The following USP34 variants were observed in gnomAD, a reference collection of about 807,000 sequenced individuals.
The protein encoded by USP34 is ubiquitin specific peptidase 34, also known as ubiquitin carboxyl-terminal hydrolase 34.
Under a neutral mutation model 460.3 loss-of-function variants are expected in USP34, and 70 were observed. The observed-to-expected ratio is 0.15, with a 90% CI of 0.13 to 0.19. The LOEUF (loss-of-function observed/expected upper bound fraction) is 0.19. Ranked by LOEUF, USP34 falls within the 10% of genes least tolerant of loss-of-function variation. The pLI, the probability that USP34 is intolerant of heterozygous loss-of-function variation, is 1.00. For synonymous variants in USP34, 1,647 were observed against 1,405.3 expected (o/e 1.17, Z -3.85); for missense variants, 3,985 against 4,236.2 (o/e 0.94, Z 1.65).
chr2:61,399,300 G>A (rs1693637589), intron 3 of USP34, among the ~76,000 whole-genome samples: 1 of 148,984 alleles, frequency 6.7e-6, no homozygotes, highest in Non-Finnish European at 1.5e-5. Context: ...CTGTTATCAT[G>A]CCACCGCACT....
chr2:61,252,796 G>A (rs1688622084), intron 48 of USP34, among the ~76,000 whole-genome samples: 1 of 152,206 alleles, frequency 6.6e-6, no homozygotes, highest in Admixed American at 6.5e-5. Flanking sequence ...GGCATGGGGT[G>A]AAACCATGCA....
chr2:61,434,203 C>T (rs549940149), intron 1 of USP34, among the ~76,000 whole-genome samples: 1 of 152,212 alleles, frequency 6.6e-6, no homozygotes, highest in Non-Finnish European at 1.5e-5. Context: ...CTTCTGGCCT[C>T]CCGAACAGCC....
At chr2:61,403,035 T>C (rs947104164) in intron 3 of USP34, among the ~76,000 whole-genome samples, 2 of 152,056 alleles carry the variant, frequency 1.3e-5, no homozygotes, top group East Asian at 1.9e-4. Context: ...GAAACAACTA[T>C]TACGAAAAGA....
chr2:61,431,862 T>C (rs1217544695), intron 1 of USP34, among the ~76,000 whole-genome samples: 1 of 151,676 alleles, frequency 6.6e-6, no homozygotes, highest in Non-Finnish European at 1.5e-5. Flanking sequence ...CTCAAAAAAA[T>C]AAATAAATAA....
intron 3 of USP34, among the ~76,000 whole-genome samples, chr2:61,396,890 A>G (rs1161908951): frequency 6.6e-6 from 1 of 152,208 alleles, no homozygotes; most frequent in Non-Finnish European, 1.5e-5. Context: ...CAACTCTGTA[A>G]ATCTACTGAA....
At chr2:61,470,210 G>C (rs962339652) in intron 1 of USP34, among the ~76,000 whole-genome samples, 4 of 152,166 alleles carry the variant, frequency 2.6e-5, no homozygotes, top group African/African-American at 9.7e-5. Flanking sequence ...AAATTAGCAG[G>C]TAAGAGAGGC....
At chr2:61,291,935 G>A (rs1223750120) in intron 33 of USP34, among the ~76,000 whole-genome samples, 2 of 152,112 alleles carry the variant, frequency 1.3e-5, no homozygotes, top group African/African-American at 4.8e-5. Flanking sequence ...CTCGAAAATA[G>A]GCTAAGTGAA....
intron 20 of USP34, among the ~76,000 whole-genome samples, chr2:61,328,492 T>C: frequency 6.6e-6 from 1 of 151,556 alleles, no homozygotes; most frequent in South Asian, 2.1e-4. Context: ...GAACAAAGAG[T>C]AGCAAATGTA....
chr2:61,256,129 G>C (rs1000641472), intron 48 of USP34, among the ~76,000 whole-genome samples: 2 of 152,056 alleles, frequency 1.3e-5, no homozygotes, highest in African/African-American at 4.8e-5. Context: ...TGTACTTATC[G>C]TCCATGTATC....
chr2:61,375,724 G>A lies in USP34; in HGVS notation c.1076+2639C>T, dbSNP rs56199002. 6.9e-3 allele frequency among the ~76,000 whole-genome samples: 946 copies of A among 137,824 alleles called. 6 individuals are homozygous for A. Among genetic ancestry groups the A allele is most frequent in the Admixed American group, 0.013 (151 of 12,034 alleles). 90.4% of individuals were successfully genotyped at this position (137,824 alleles called of 152,430 possible). A position where few individuals can be genotyped will look rare whatever the true frequency, so the allele number is the denominator to read the frequency against. ...GCGGAGCTTGCAGTGAGCCAAGATC[G>A]CGCCACTGCACTCCAGCCTGGGTGA... On this transcript the variant is annotated intron_variant, in intron 8 of 79. Transcript: ENST00000398571.
chr2:61,366,816 C>G (rs978844949), intron 10 of USP34, among the ~76,000 whole-genome samples: 1 of 152,016 alleles, frequency 6.6e-6, no homozygotes, highest in Non-Finnish European at 1.5e-5. Context: ...GGGAGTGCAA[C>G]GCAGGAGGAT....
chr2:61,333,801 T>A (rs1691340349), intron 19 of USP34, 81 bp downstream of exon 19: 1 of 964,230 alleles, frequency 1.0e-6, no homozygotes, highest in East Asian at 3.0e-5. Flanking sequence ...AGTAAAAGCT[T>A]GTAGGTTAGT....
chr2:61,434,068 C>G (rs1457486504), intron 1 of USP34, among the ~76,000 whole-genome samples: 2 of 152,194 alleles, frequency 1.3e-5, no homozygotes, highest in African/African-American at 4.8e-5. Flanking sequence ...TAAGCTCTCT[C>G]CAAAGTAGTG....
At chr2:61,259,017 TG>T (rs1688798274) in intron 44 of USP34, among the ~76,000 whole-genome samples, 1 of 152,118 alleles carries the variant, frequency 6.6e-6, no homozygotes, top group African/African-American at 2.4e-5. Context: ...CCCAACACTT[TG>T]GGAGGCTGAG....
intron 1 of USP34, among the ~76,000 whole-genome samples, chr2:61,421,034 G>A (rs573784157): frequency 1.1e-4 from 16 of 151,998 alleles, no homozygotes; most frequent in Non-Finnish European, 2.1e-4. Context: ...GGGTGGGGGG[G>A]GCAGTGAGAC....
intron 5 of USP34, among the ~76,000 whole-genome samples, chr2:61,385,797 C>T (rs1693124058): frequency 6.6e-6 from 1 of 150,892 alleles, no homozygotes; most frequent in Non-Finnish European, 1.5e-5. Flanking sequence ...AGTTCAAGAC[C>T]AGCTTGGCCA....
Position 61,293,777 on chromosome 2 carries a change from G to A in USP34, c.4462-227C>T, listed in dbSNP as rs562853311. Among the ~76,000 whole-genome samples the A allele has an allele frequency of 5.3e-5, 8 of 152,274 alleles. No individual in the cohort carries two copies. In the South Asian group the frequency reaches 1.4e-3, roughly 28 times the overall value. On this transcript the variant is annotated intron_variant, in intron 32 of 79. Coordinates refer to ENST00000398571, the MANE Select transcript of USP34 (RefSeq NM_014709.4). ...TGCCTGTAATCCTAGAACTTTGGGA[G>A]GCCAAAGCCAGACGATGGCTTGAGG...
At chr2:61,404,759 G>A (rs927138797) in intron 3 of USP34, among the ~76,000 whole-genome samples, 1 of 152,072 alleles carries the variant, frequency 6.6e-6, no homozygotes, top group African/African-American at 2.4e-5. Flanking sequence ...GAATCATGAG[G>A]AATAATAAAC....
chr2:61,264,900 G>GA (rs1470724081), intron 43 of USP34, among the ~76,000 whole-genome samples: 9 of 152,020 alleles, frequency 5.9e-5, no homozygotes, highest in African/African-American at 1.9e-4. Flanking sequence ...CGGTAAAAAA[G>GA]AATGAAAACT....
Sources: gnomAD v4.1 joint callset for allele counts (sites outside exome capture counted in the v4.1 genomes callset) on GRCh38, gnomAD v4.1.1 for gene constraint, MANE v1.5 for transcripts, NCBI Gene and HGNC (gene_info 2026-07-23, HGNC 2026-07-21) for gene names.